DIP2C: variants seen among roughly 807,000 people sequenced by gnomAD.
DIP2C encodes the protein DIP2 acetate--CoA ligase C (putative), also known as disco-interacting protein 2 homolog C.
Under a neutral mutation model 192.4 loss-of-function variants are expected in DIP2C, and 33 were observed. That is an observed-to-expected ratio of 0.17 (90% CI 0.13 to 0.23). DIP2C has a LOEUF of 0.23. DIP2C is among the 10% of genes least tolerant of loss of function. DIP2C has a pLI of 1.00. For missense variants in DIP2C, 1,537 were observed against 2,110.1 expected (o/e 0.73, Z 5.32); for synonymous variants, 979 against 864.1 (o/e 1.13, Z -2.33).
chr10:579,753 G>A lies in DIP2C; in HGVS notation c.86-93223C>T, dbSNP rs528254130. On this transcript the variant is annotated intron_variant, in intron 1 of 36. Transcript: ENST00000280886. Reference sequence around the variant, plus strand: ...ACAGCATACATAGGTACACTATAATGTATGTACATGCAGAGCATACACATC... The same window carrying A: ...ACAGCATACATAGGTACACTATAATATATGTACATGCAGAGCATACACATC... Among the ~76,000 whole-genome samples, 59 of 151,982 alleles carry A rather than the reference G, an allele frequency of 3.9e-4. 1 individual carries two copies. The South Asian group carries it at 0.011, about 27-fold the overall frequency.
At chr10:585,443 G>A (rs994227653) in intron 1 of DIP2C, among the ~76,000 whole-genome samples, 3 of 151,964 alleles carry the variant, frequency 2.0e-5, no homozygotes, top group Admixed American at 6.5e-5. Context: ...TGCCTCAAGC[G>A]CTTTTAATAA....
chr10:465,539 G>A (rs975894764), intron 3 of DIP2C, among the ~76,000 whole-genome samples: 7 of 152,034 alleles, frequency 4.6e-5, no homozygotes, highest in Non-Finnish European at 5.9e-5. Context: ...TCTGGCCAGG[G>A]CAATCAGGCA....
chr10:512,340 C>T (rs898535003), intron 1 of DIP2C, among the ~76,000 whole-genome samples: 3 of 152,170 alleles, frequency 2.0e-5, no homozygotes, highest in Admixed American at 6.5e-5. Flanking sequence ...AGGCAGATTG[C>T]TTGAGCCCAG....
At position 363,089 on chromosome 10, in the gene DIP2C, G is replaced by T; in HGVS notation, c.2592+108C>A. 1.1e-6 allele frequency: 1 copy of T among 936,054 alleles called. No homozygotes were observed. 58.0% of individuals were successfully genotyped at this position (936,054 alleles called of 1,614,324 possible). On this transcript the variant is annotated intron_variant, in intron 21 of 36. Transcript: ENST00000280886. This position sits in a 1 kb window ranked among gnomAD's most constrained non-coding sequence, Gnocchi z 5.4. ...TGATCAAATGAAGGGAAGGGAAAAA[G>T]GGCCACCCCATGGGCAAAGCAACAG...
intron 1 of DIP2C, among the ~76,000 whole-genome samples, chr10:536,983 C>G (rs1165635341): frequency 6.6e-6 from 1 of 152,202 alleles, no homozygotes; most frequent in African/African-American, 2.4e-5. Flanking sequence ...AGAAGATGAA[C>G]AAAAGAAGGT....
chr10:422,681 A>C (rs1966279184), intron 5 of DIP2C, 143 bp downstream of exon 5: 1 of 990,782 alleles, frequency 1.0e-6, no homozygotes, highest in South Asian at 1.8e-5. Flanking sequence ...TCCAGAAACA[A>C]TCCAGCCAAA....
rs1854986422 is a variant in DIP2C at position 638,953 on chromosome 10, C to A, written c.85+50541G>T. On this transcript the variant is annotated intron_variant, in intron 1 of 36. Transcript: ENST00000280886. ...AGGAGGAAACACACAAAAGACCCCA[C>A]TGCCCTCCTGGCTTCCCAGAAGGCC... 2.6e-5 allele frequency among the ~76,000 whole-genome samples: 4 copies of A among 152,376 alleles called. No individual in the cohort carries two copies. In the South Asian group the frequency reaches 8.3e-4, roughly 32 times the overall value.
chr10:627,097 C>T (rs816563), intron 1 of DIP2C, among the ~76,000 whole-genome samples: 131,616 of 152,296 alleles, frequency 0.86, 58,149 homozygotes, highest in South Asian at 0.97. Context: ...GAGGAAAATC[C>T]GCGTGGGGCT....
chr10:395,692 A>G (rs1294548536), intron 10 of DIP2C, among the ~76,000 whole-genome samples: 1 of 152,232 alleles, frequency 6.6e-6, no homozygotes, highest in African/African-American at 2.4e-5. Flanking sequence ...AGGGCAAGAC[A>G]GGAATGTCAG....
At chr10:407,168 G>A (rs964710648) in intron 9 of DIP2C, among the ~76,000 whole-genome samples, 3 of 152,222 alleles carry the variant, frequency 2.0e-5, no homozygotes, top group African/African-American at 4.8e-5. Flanking sequence ...AATCGGCTCT[G>A]GCCAGGCAGC....
chr10:417,166 C>A (rs1024430124), intron 6 of DIP2C, among the ~76,000 whole-genome samples: 1 of 152,028 alleles, frequency 6.6e-6, no homozygotes, highest in African/African-American at 2.4e-5. Flanking sequence ...TTCCACCAGG[C>A]CAACGATTCT....
At chr10:521,816 G>A (rs747492470) in intron 1 of DIP2C, among the ~76,000 whole-genome samples, 4 of 152,012 alleles carry the variant, frequency 2.6e-5, no homozygotes, top group Non-Finnish European at 5.9e-5. Context: ...AGCAAAATCG[G>A]GAGGAAAGCA....
rs73576211 is a variant in DIP2C at position 551,398 on chromosome 10, G to A, written c.86-64868C>T. Among the ~76,000 whole-genome samples the A allele has an allele frequency of 6.0e-3, 919 of 152,354 alleles. 9 individuals carry two copies. The highest frequency in any genetic ancestry group is 0.021 in the African/African-American group (875 of 41,580). On this transcript the variant is annotated intron_variant, in intron 1 of 36. Transcript: ENST00000280886. ...CGTCCCGCTTACCACAGGTGCCACG[G>A]AGGCTGTGGAAGGGGTCCAGGCTGC... is the stretch of plus-strand genomic sequence containing the variant.
chr10:360,178 G>A lies in DIP2C; in HGVS notation c.2795-2241C>T, dbSNP rs549511325. Reference sequence around the variant, plus strand: ...CGTGCATCCTCTGAATGGAAGTTTGGGACCTTGAATGCCTCCCCATGCAGA... The same window carrying A: ...CGTGCATCCTCTGAATGGAAGTTTGAGACCTTGAATGCCTCCCCATGCAGA... On this transcript the variant is annotated intron_variant, in intron 22 of 36. Coordinates refer to ENST00000280886, the MANE Select transcript of DIP2C (RefSeq NM_014974.3). Among the ~76,000 whole-genome samples the A allele has an allele frequency of 7.2e-5, 11 of 152,222 alleles. No individual in the cohort carries two copies. In the East Asian group the frequency reaches 1.9e-3, roughly 27 times the overall value.
intron 3 of DIP2C, among the ~76,000 whole-genome samples, chr10:443,766 C>T (rs1967929203): frequency 6.6e-6 from 1 of 152,282 alleles, no homozygotes; most frequent in Admixed American, 6.5e-5. Flanking sequence ...ATTTATTAAG[C>T]TTATTTGCTT....
At chr10:544,677 G>A (rs1423254965) in intron 1 of DIP2C, among the ~76,000 whole-genome samples, 1 of 152,146 alleles carries the variant, frequency 6.6e-6, no homozygotes, top group African/African-American at 2.4e-5. Flanking sequence ...TCATTTCTAA[G>A]ATGACTAATT....
intron 1 of DIP2C, among the ~76,000 whole-genome samples, chr10:525,722 A>ACAC (rs1402180781): frequency 6.6e-6 from 1 of 152,186 alleles, no homozygotes; most frequent in Non-Finnish European, 1.5e-5. Context: ...CCAGCCCCGT[A>ACAC]CACCCATCAG....
intron 9 of DIP2C, among the ~76,000 whole-genome samples, 168 bp from the exon 10 acceptor site, chr10:399,387 T>C (rs1201247096): frequency 6.6e-6 from 1 of 152,206 alleles, no homozygotes; most frequent in Non-Finnish European, 1.5e-5. Context: ...CACCCGGCCT[T>C]GAATTCATAT....
intron 1 of DIP2C, among the ~76,000 whole-genome samples, chr10:623,258 G>A (rs1346106701): frequency 6.6e-6 from 1 of 151,604 alleles, no homozygotes; most frequent in Admixed American, 6.6e-5. Flanking sequence ...CACAGGAACG[G>A]GCGCAGGCAT....
Sources: allele counts gnomAD v4.1 joint callset (sites outside exome capture counted in the v4.1 genomes callset), GRCh38; gene constraint gnomAD v4.1.1; non-coding constraint Gnocchi (gnomAD v3.1); transcripts MANE v1.5; gene names NCBI Gene and HGNC (gene_info 2026-07-23, HGNC 2026-07-21).